Variants in ARHGAP5 observed in about 807,000 individuals in gnomAD.
ARHGAP5 encodes Rho GTPase activating protein 5.
In ARHGAP5, 23 loss-of-function variants were observed where a neutral mutation model predicts 116.6. The ratio of observed to expected loss-of-function variants is 0.20; its 90% confidence interval spans 0.14 to 0.28. The LOEUF (loss-of-function observed/expected upper bound fraction) is 0.28. ARHGAP5 is among the 10% of genes least tolerant of loss of function. The probability of loss-of-function intolerance (pLI) is 1.00; values close to 1 mark genes in which losing one functional copy is unlikely to be tolerated. For synonymous variants in ARHGAP5, 574 were observed against 602.0 expected, an observed-to-expected ratio of 0.95 and a Z score of 0.68; for missense variants, 1,405 against 1,774.8, an observed-to-expected ratio of 0.79 and a Z score of 3.74.
chr14:32,089,858 A>G (rs1206622189), intron 1 of ARHGAP5, among the ~76,000 whole-genome samples: 1 of 151,916 alleles, frequency 6.6e-6, no homozygotes, highest in East Asian at 1.9e-4. Flanking sequence ...AGAAGCAGTG[A>G]TCTATGTAAA....
At position 32,092,585 on chromosome 14, in the gene ARHGAP5, C is replaced by G. The variant is rs1878314918; in HGVS notation, c.1916C>G (p.Ala639Gly). Residue 639 changes from alanine to glycine, a missense_variant, in exon 2 of 7, where the codon GCC becomes GGC. Ala to Gly is a moderately conservative substitution (Grantham distance 60). This residue lies in a region of ARHGAP5 where 944 missense variants were observed against 1,095.3 expected (regional missense o/e 0.86). Transcript: ENST00000345122. This position sits in a 1 kb window ranked among gnomAD's most constrained non-coding sequence, Gnocchi z 4.1. ...GAACTTGATCTTCGGCCGGTTGATGCCAAATCGCCTTACTTTTTGAGTCAG... is the reference window on the plus strand; with the variant it reads ...GAACTTGATCTTCGGCCGGTTGATGGCAAATCGCCTTACTTTTTGAGTCAG... ...IYELDLRPVD[A>G]KSPYFLSQLW... 2 of 1,613,616 alleles carry G rather than the reference C, an allele frequency of 1.2e-6. No individual in the cohort carries two copies. The highest frequency in any genetic ancestry group is 1.7e-6 in the Non-Finnish European group (2 of 1,179,806).
chr14:32,094,450 G>C, intron 2 of ARHGAP5, 64 bp downstream of exon 2: 1 of 1,223,098 alleles, frequency 8.2e-7, no homozygotes. Flanking sequence ...TTAAAATACT[G>C]ACATCAGTGT....
Position 32,092,076 on chromosome 14 carries a change from T to G in ARHGAP5, c.1407T>G (p.Ala469=), listed in dbSNP as rs769462267. 8.8e-5 allele frequency: 142 copies of G among 1,613,730 alleles called. No individual in the cohort carries two copies. The highest frequency in any genetic ancestry group is 1.2e-4 in the Non-Finnish European group (139 of 1,179,808). The part of the protein sequence containing the change: ...EDEAYKYITE[A]DSKEVYGRHQ... ...AAGCCTACAAATATATCACTGAGGCTGATAGCAAAGAGGTATATGGTAGGC... is the reference window on the plus strand; with the variant it reads ...AAGCCTACAAATATATCACTGAGGCGGATAGCAAAGAGGTATATGGTAGGC... Residue 469 remains alanine (A), a synonymous_variant, in exon 2 of 7, where the codon GCT becomes GCG. Coordinates refer to ENST00000345122, the MANE Select transcript of ARHGAP5 (RefSeq NM_001030055.2). This position sits in a 1 kb window ranked among gnomAD's most constrained non-coding sequence, Gnocchi z 4.1.
chr14:32,101,284 C>T (rs1878776670), intron 2 of ARHGAP5, among the ~76,000 whole-genome samples: 1 of 151,968 alleles, frequency 6.6e-6, no homozygotes, highest in Non-Finnish European at 1.5e-5. Context: ...AAGAATAAAA[C>T]CAAAATAAGT....
intron 2 of ARHGAP5, among the ~76,000 whole-genome samples, chr14:32,105,701 A>G (rs1878985450): frequency 6.6e-6 from 1 of 152,138 alleles, no homozygotes; most frequent in African/African-American, 2.4e-5. Flanking sequence ...TGTCCCTCCC[A>G]TAGTCAAGAT....
chr14:32,107,924 A>G (rs1193313629), intron 2 of ARHGAP5, among the ~76,000 whole-genome samples: 3 of 152,196 alleles, frequency 2.0e-5, no homozygotes, highest in Non-Finnish European at 4.4e-5. Context: ...AGAACTCACA[A>G]CTGAGTTTGG....
intron 1 of ARHGAP5, among the ~76,000 whole-genome samples, chr14:32,083,529 A>G (rs577211496): frequency 6.6e-6 from 1 of 152,306 alleles, no homozygotes; most frequent in Admixed American, 6.5e-5. Flanking sequence ...TTCCTGTTGC[A>G]TTTATTAGTA....
At chr14:32,106,211 T>G (rs569640129) in intron 2 of ARHGAP5, among the ~76,000 whole-genome samples, 1 of 152,192 alleles carries the variant, frequency 6.6e-6, no homozygotes, top group African/African-American at 2.4e-5. Context: ...AACCTCTGCC[T>G]CCCAGGTTCA....
In ARHGAP5 at chr14:32,093,487, G is replaced by C. The variant is rs1207701763; in HGVS notation, c.2818G>C (p.Glu940Gln). The C allele has an allele frequency of 1.2e-6, 2 of 1,612,226 alleles. No individual in the cohort carries two copies. The highest frequency in any genetic ancestry group is 1.7e-6 in the Non-Finnish European group (2 of 1,179,534). The stretch of plus-strand genomic sequence containing the variant: ...TACTCTGTTTTTTAGTGATGTTCTA[G>C]AGAAAAAAAATATGATAGAAAATTC... ...VFTLFFSDVL[E>Q]KKNMIENSYL... is the part of the protein sequence containing the mutation. Residue 940 changes from glutamate to glutamine, a missense_variant, in exon 2 of 7, where the codon GAG (glutamate) becomes CAG (glutamine). This residue lies in a region of ARHGAP5 where 944 missense variants were observed against 1,095.3 expected (regional missense o/e 0.86). Transcript: ENST00000345122.
intron 3 of ARHGAP5, 132 bp from the exon 4 acceptor site, chr14:32,146,131 C>G (rs530488913): frequency 1.6e-4 from 96 of 587,490 alleles, no homozygotes; most frequent in Middle Eastern, 6.0e-4. Context: ...AGGCTGGGCT[C>G]AAACTCCTGG....
chr14:32,099,693 G>C (rs1413923503), intron 2 of ARHGAP5, among the ~76,000 whole-genome samples: 1 of 152,038 alleles, frequency 6.6e-6, no homozygotes, highest in Non-Finnish European at 1.5e-5. Flanking sequence ...CCCATTTGCT[G>C]GATTAGTTTT....
chr14:32,100,094 G>T (rs1878721754), intron 2 of ARHGAP5, among the ~76,000 whole-genome samples: 1 of 152,136 alleles, frequency 6.6e-6, no homozygotes, highest in Admixed American at 6.5e-5. Context: ...TAACTTTATT[G>T]TACATTGTGC....
chr14:32,110,804 C>T (rs780301155), intron 2 of ARHGAP5, among the ~76,000 whole-genome samples: 40 of 152,090 alleles, frequency 2.6e-4, no homozygotes, highest in South Asian at 6.2e-4. Flanking sequence ...TAAGTAGATT[C>T]TGTATCTCTC....
chr14:32,098,055 G>T (rs1223875110), intron 2 of ARHGAP5, among the ~76,000 whole-genome samples: 3 of 152,182 alleles, frequency 2.0e-5, no homozygotes, highest in Admixed American at 2.0e-4. Flanking sequence ...TCTAGATTCA[G>T]TGTTGTTTCA....
intron 3 of ARHGAP5, among the ~76,000 whole-genome samples, chr14:32,129,322 T>G (rs556892809): frequency 8.5e-5 from 13 of 152,302 alleles, no homozygotes; most frequent in African/African-American, 2.9e-4. Flanking sequence ...AAATTCCAGA[T>G]AGCTGAGGTA....
intron 2 of ARHGAP5, among the ~76,000 whole-genome samples, chr14:32,105,487 T>TA (rs1566667191): frequency 0.012 from 1,758 of 151,428 alleles, 26 homozygotes; most frequent in African/African-American, 0.038. Flanking sequence ...GTTTTTTTTT[T>TA]TAAAAAAAAG....
At chr14:32,084,104 T>C (rs1158554366) in intron 1 of ARHGAP5, among the ~76,000 whole-genome samples, 1 of 152,062 alleles carries the variant, frequency 6.6e-6, no homozygotes, top group Non-Finnish European at 1.5e-5. Flanking sequence ...GTTATCAGAG[T>C]AGGGTGTACA....
intron 3 of ARHGAP5, among the ~76,000 whole-genome samples, chr14:32,122,113 C>G (rs559207358): frequency 1.3e-5 from 2 of 152,298 alleles, no homozygotes; most frequent in African/African-American, 2.4e-5. Flanking sequence ...CAGACTCTTT[C>G]AAAGAGGTGG....
chr14:32,097,883 A>AT (rs1366430935), intron 2 of ARHGAP5, among the ~76,000 whole-genome samples: 1 of 152,240 alleles, frequency 6.6e-6, no homozygotes, highest in Non-Finnish European at 1.5e-5. Flanking sequence ...AACATGACAG[A>AT]TTATCAAGTC....
Sources: allele counts gnomAD v4.1 joint callset (sites outside exome capture counted in the v4.1 genomes callset), GRCh38; gene constraint gnomAD v4.1.1; regional missense constraint gnomAD v4.1.1; non-coding constraint Gnocchi (gnomAD v3.1); transcripts MANE v1.5; gene names NCBI Gene and HGNC (gene_info 2026-07-23, HGNC 2026-07-21).